DLG5: variants seen among roughly 807,000 people sequenced by gnomAD.
The protein encoded by DLG5 is discs large MAGUK scaffold protein 5.
DLG5 carries 48 observed loss-of-function variants against 189.8 expected under a neutral mutation model. The observed-to-expected ratio is 0.25, with a 90% CI of 0.20 to 0.32. The LOEUF (loss-of-function observed/expected upper bound fraction) is 0.32, where lower values mean the gene tolerates loss of function less well. Among genes scored for constraint, DLG5 ranks in the 10% least tolerant of loss-of-function variants. DLG5 has a pLI of 1.00. For missense variants in DLG5, 2,160 were observed against 2,544.7 expected, an observed-to-expected ratio of 0.85 and a Z score of 3.25; for synonymous variants, 1,016 against 1,054.1, an observed-to-expected ratio of 0.96 and a Z score of 0.70.
intron 7 of DLG5, among the ~76,000 whole-genome samples, chr10:77,837,957 T>C (rs1014328002): frequency 2.6e-5 from 4 of 151,804 alleles, no homozygotes; most frequent in African/African-American, 9.7e-5. Flanking sequence ...CACTCGAGAG[T>C]CCCAGGGGAG....
intron 1 of DLG5, among the ~76,000 whole-genome samples, chr10:77,897,257 G>A (rs1251233397): frequency 1.3e-5 from 2 of 152,124 alleles, no homozygotes; most frequent in Admixed American, 6.6e-5. Flanking sequence ...TCAGGAGGCT[G>A]AGGCGGGAGA....
In DLG5 at chr10:77,858,567, C is replaced by T. The variant is rs945193983; in HGVS notation, c.374-1675G>A. ...GTGGGAGGATCGCCTGAGCCCAGGA[C>T]GTCAAGGCTGCAGTGAGCCGAGATC... is the stretch of plus-strand genomic sequence containing the variant. On this transcript the variant is annotated intron_variant, in intron 2 of 31. Transcript: ENST00000372391. Among the ~76,000 whole-genome samples the T allele has an allele frequency of 4.1e-5, 6 of 147,288 alleles. No individual in the cohort carries two copies. The East Asian group carries it at 8.2e-4, about 20-fold the overall frequency.
chr10:77,902,874 AAAATAAATAAAT>A (rs917170266), intron 1 of DLG5, among the ~76,000 whole-genome samples: 1 of 104,590 alleles, frequency 9.6e-6, no homozygotes, highest in Non-Finnish European at 2.1e-5. Flanking sequence ...AATAAATAAA[AAAATAAATAAAT>A]AAATAAATAA....
intron 1 of DLG5, among the ~76,000 whole-genome samples, chr10:77,888,259 G>A (rs1192211047): frequency 1.3e-5 from 2 of 152,126 alleles, no homozygotes; most frequent in Non-Finnish European, 2.9e-5. Flanking sequence ...GGCAAAGTGC[G>A]GCAGGAACTT....
chr10:77,857,759 A>G (rs1489524384), intron 2 of DLG5, among the ~76,000 whole-genome samples: 5 of 152,204 alleles, frequency 3.3e-5, no homozygotes, highest in Non-Finnish European at 7.3e-5. Context: ...GAACCCTGTC[A>G]ATATGTCTAC....
the DLG5 span, among the ~76,000 whole-genome samples, chr10:77,933,199 T>A: frequency 6.6e-6 from 1 of 152,226 alleles, no homozygotes; most frequent in Non-Finnish European, 1.5e-5. Flanking sequence ...CATGCTCTCA[T>A]TGCAACTTTT....
intron 22 of DLG5, 48 bp downstream of exon 22, chr10:77,811,876 C>T: frequency 3.8e-6 from 6 of 1,561,094 alleles, no homozygotes; most frequent in Non-Finnish European, 5.2e-6. Flanking sequence ...GCTGCTGCAC[C>T]CACCTCTCCA....
chr10:77,811,375 C>T, intron 22 of DLG5, 141 bp from the exon 23 acceptor site: 1 of 1,052,470 alleles, frequency 9.5e-7, no homozygotes, highest in Non-Finnish European at 1.3e-6. Context: ...AGAGCAGACA[C>T]ATTAGAAGCC....
chr10:77,835,809 A>G lies in DLG5; in HGVS notation c.1551T>C (p.Asp517=). Residue 517 remains aspartate (D), a synonymous_variant, in exon 8 of 32, where the codon GAT becomes GAC. Transcript: ENST00000372391. ...CCCAGTCCCGCCGGCACTTGGCCAC[A>G]TCCGCCTCCTGGAGGGCTTCCTTCA... ...QELKEALQEA[D]VAKCRRDWAF... The G allele has an allele frequency of 6.2e-7, 1 of 1,614,058 alleles. No individual in the cohort carries two copies. The highest frequency in any genetic ancestry group is 8.5e-7 in the Non-Finnish European group (1 of 1,179,992).
At chr10:77,822,376 T>C (rs949757637) in intron 14 of DLG5, among the ~76,000 whole-genome samples, 4 of 152,352 alleles carry the variant, frequency 2.6e-5, no homozygotes, top group Admixed American at 2.6e-4. Flanking sequence ...CCGGGCACAG[T>C]GGCTCATGCC....
intron 13 of DLG5, 76 bp from the exon 14 acceptor site, chr10:77,824,552 T>C: frequency 8.7e-7 from 1 of 1,153,346 alleles, no homozygotes. Context: ...TCTGCCTACC[T>C]AACCTCCTGT....
At chr10:77,919,983 G>C (rs143353644) in intron 1 of DLG5, among the ~76,000 whole-genome samples, 2 of 152,114 alleles carry the variant, frequency 1.3e-5, no homozygotes, top group African/African-American at 2.4e-5. Context: ...CTATTCATTC[G>C]TTCAACAAAA....
the DLG5 span, among the ~76,000 whole-genome samples, chr10:77,940,658 A>T: frequency 6.6e-6 from 1 of 152,028 alleles, no homozygotes; most frequent in African/African-American, 2.4e-5. Context: ...AAGCAGGAAA[A>T]TGCTGACTTA....
At chr10:77,865,995 T>C (rs936457079) in intron 2 of DLG5, among the ~76,000 whole-genome samples, 1 of 152,184 alleles carries the variant, frequency 6.6e-6, no homozygotes, top group Non-Finnish European at 1.5e-5. Flanking sequence ...GAGATGTAAA[T>C]GGAAAAGTGG....
intron 11 of DLG5, among the ~76,000 whole-genome samples, chr10:77,829,982 C>A (rs188383182): frequency 5.3e-4 from 80 of 152,306 alleles, no homozygotes; most frequent in African/African-American, 1.9e-3. Flanking sequence ...CTTTCCCACC[C>A]AAAGGAGCAA....
At position 77,880,225 on chromosome 10, in the gene DLG5, G is replaced by T. The variant is rs370692805; in HGVS notation, c.305-11028C>A. On this transcript the variant is annotated intron_variant, in intron 1 of 31. Coordinates refer to ENST00000372391, the MANE Select transcript of DLG5 (RefSeq NM_004747.4). ...TCCTAGCACTTTGGGAGGCCAAGAC[G>T]GGTGGATCACCTGAGGTCAGGGTTT... 5.9e-5 allele frequency among the ~76,000 whole-genome samples: 9 copies of T among 152,236 alleles called. No homozygotes were observed. In the East Asian group the frequency reaches 9.7e-4, roughly 16 times the overall value.
intron 2 of DLG5, chr10:77,867,798 A>G (rs1844744089): frequency 2.6e-6 from 1 of 379,398 alleles, no homozygotes; most frequent in Non-Finnish European, 5.3e-6. Context: ...CGAGAGGGAC[A>G]CTGCTCAGCC....
At chr10:77,830,429 A>C (rs570489320) in intron 10 of DLG5, 85 bp from the exon 11 acceptor site, 18 of 1,570,996 alleles carry the variant, frequency 1.1e-5, no homozygotes, top group Admixed American at 1.7e-5. Context: ...TGCCCACTCC[A>C]ATGTGGGGGA....
At chr10:77,863,059 G>C (rs962004954) in intron 2 of DLG5, among the ~76,000 whole-genome samples, 4 of 152,110 alleles carry the variant, frequency 2.6e-5, no homozygotes, top group South Asian at 2.1e-4. Flanking sequence ...TTTACTGTAT[G>C]TAAATTATAT....
Sources: allele counts gnomAD v4.1 joint callset (sites outside exome capture counted in the v4.1 genomes callset), GRCh38; gene constraint gnomAD v4.1.1; transcripts MANE v1.5; gene names NCBI Gene and HGNC (gene_info 2026-07-23, HGNC 2026-07-21).